IPO11: variants seen among roughly 807,000 people sequenced by gnomAD.
IPO11 encodes the protein importin-11.
Under a neutral mutation model 143.2 loss-of-function variants are expected in IPO11, and 66 were observed. The ratio of observed to expected loss-of-function variants is 0.46; its 90% CI spans 0.38 to 0.57. IPO11 has a LOEUF of 0.57. IPO11 is among the 20% of genes least tolerant of loss of function. The pLI is 0.00. For synonymous variants in IPO11, 385 were observed against 377.8 expected, an observed-to-expected ratio of 1.02 and a Z score of -0.22; for missense variants, 1,026 against 1,141.0, an observed-to-expected ratio of 0.90 and a Z score of 1.45.
chr5:62,430,194 TC>T (rs1413096035), intron 1 of IPO11, among the ~76,000 whole-genome samples: 3 of 152,238 alleles, frequency 2.0e-5, no homozygotes. Context: ...TGACTGTATG[TC>T]CAAAGGTAGA....
Position 62,476,575 on chromosome 5 carries a change from T to C in IPO11, c.758-108T>C, listed in dbSNP as rs1317577824. 4 of 1,192,866 alleles carry C rather than the reference T, an allele frequency of 3.4e-6. No homozygotes were observed. The African/African-American group carries it at 4.8e-5, about 14-fold the overall frequency. The allele number at this position is 1,192,866 out of a possible 1,614,324, so 73.9% of individuals were successfully genotyped here. A position where few individuals can be genotyped will look rare whatever the true frequency, so the allele number is the denominator to read the frequency against. ...TGCTTTTTAAATAATGAATTCATAATGCAAAATATGCAAAAATAAAACCAG... is the reference window on the plus strand; with the variant it reads ...TGCTTTTTAAATAATGAATTCATAACGCAAAATATGCAAAAATAAAACCAG... On this transcript the variant is annotated intron_variant, in intron 8 of 29. Coordinates refer to ENST00000325324, the MANE Select transcript of IPO11 (RefSeq NM_016338.5).
At chr5:62,505,609 A>T (rs555513434) in intron 18 of IPO11, among the ~76,000 whole-genome samples, 46 of 152,224 alleles carry the variant, frequency 3.0e-4, no homozygotes, top group Middle Eastern at 3.4e-3. Flanking sequence ...CTATATCTGA[A>T]AGAACAAATT....
At chr5:62,430,794 C>T (rs1420356720) in intron 1 of IPO11, among the ~76,000 whole-genome samples, 2 of 151,468 alleles carry the variant, frequency 1.3e-5, no homozygotes, top group Non-Finnish European at 2.9e-5. Flanking sequence ...TCCCCTGCCT[C>T]AGCCTCCCGA....
chr5:62,562,850 G>T (rs560637116), intron 27 of IPO11, among the ~76,000 whole-genome samples: 1 of 152,298 alleles, frequency 6.6e-6, no homozygotes, highest in South Asian at 2.1e-4. Context: ...CTTAGCAAAT[G>T]CCACATACTT....
In IPO11 at chr5:62,465,754, T is replaced by A. The variant is rs758384951; in HGVS notation, c.517-1377T>A. On this transcript the variant is annotated intron_variant, in intron 5 of 29. Coordinates refer to ENST00000325324, the MANE Select transcript of IPO11 (RefSeq NM_016338.5). ...AAGGGCCAAGGCATCCCTGACTGAT[T>A]TAGTTTGTAAAGATACAGTGAACCA... 2.0e-5 allele frequency among the ~76,000 whole-genome samples: 3 copies of A among 152,228 alleles called. No individual in the cohort carries two copies. The South Asian group carries it at 6.2e-4, about 32-fold the overall frequency.
chr5:62,467,346 G>A (rs1243547565), intron 6 of IPO11, 83 bp downstream of exon 6: 2 of 1,388,932 alleles, frequency 1.4e-6, no homozygotes, highest in African/African-American at 1.5e-5. Flanking sequence ...CGGGTTTTCT[G>A]TTCCCAGTTT....
intron 16 of IPO11, among the ~76,000 whole-genome samples, chr5:62,497,771 A>T (rs1486148173): frequency 6.6e-6 from 1 of 152,266 alleles, no homozygotes; most frequent in African/African-American, 2.4e-5. Context: ...CCTGGAAAGA[A>T]ATCCTTTTTC....
At chr5:62,516,422 T>G (rs1289212287) in intron 20 of IPO11, among the ~76,000 whole-genome samples, 7 of 152,150 alleles carry the variant, frequency 4.6e-5, no homozygotes, top group Admixed American at 4.6e-4. Context: ...GCCTCCCAAG[T>G]AGCTGGGATT....
rs759481373 is a variant in IPO11, at chr5:62,627,144, T to C, written c.2764-10T>C. 1 of 1,611,696 alleles carries C rather than the reference T, an allele frequency of 6.2e-7. No individual in the cohort carries two copies. The highest frequency in any genetic ancestry group is 1.1e-5 in the South Asian group (1 of 90,698). ...TTTTTGACAGTCTTGCTCCTCTCTGTATCCCACAGCTGGCCCTGAAGGACC... is the reference window on the plus strand; with the variant it reads ...TTTTTGACAGTCTTGCTCCTCTCTGCATCCCACAGCTGGCCCTGAAGGACC... On this transcript the variant is annotated splice_polypyrimidine_tract_variant and intron_variant, in intron 29 of 29. Transcript: ENST00000325324.
At chr5:62,588,997 T>TC (rs59042373) in intron 27 of IPO11, among the ~76,000 whole-genome samples, 59,731 of 152,000 alleles carry the variant, frequency 0.39, 13,123 homozygotes, top group South Asian at 0.52. Flanking sequence ...AACTTCTGCT[T>TC]CCCACTGTGT....
At chr5:62,481,777 T>G (rs1017751810) in intron 9 of IPO11, among the ~76,000 whole-genome samples, 2 of 152,220 alleles carry the variant, frequency 1.3e-5, no homozygotes, top group Non-Finnish European at 2.9e-5. Flanking sequence ...CTGCGAGGCT[T>G]TGGTATCAGG....
At chr5:62,573,638 A>G (rs1744219507) in intron 27 of IPO11, among the ~76,000 whole-genome samples, 1 of 152,338 alleles carries the variant, frequency 6.6e-6, no homozygotes, top group East Asian at 1.9e-4. Flanking sequence ...AAGTTCTGTC[A>G]AATCCAAGCT....
chr5:62,583,180 A>G (rs563273783), intron 27 of IPO11, among the ~76,000 whole-genome samples: 1 of 152,200 alleles, frequency 6.6e-6, no homozygotes, highest in South Asian at 2.1e-4. Context: ...TCTTTGTTGT[A>G]TCCTCCCAAC....
intron 3 of IPO11, among the ~76,000 whole-genome samples, chr5:62,444,810 C>T (rs905174095): frequency 7.3e-5 from 11 of 151,426 alleles, no homozygotes; most frequent in African/African-American, 1.9e-4. Context: ...TAGAGGTTGC[C>T]GTGAGCCAAG....
At chr5:62,537,666 G>T (rs899360116) in intron 24 of IPO11, among the ~76,000 whole-genome samples, 1 of 152,146 alleles carries the variant, frequency 6.6e-6, no homozygotes, top group African/African-American at 2.4e-5. Flanking sequence ...TTAGTCTGCT[G>T]TTGGGACAAA....
chr5:62,580,608 C>A, intron 27 of IPO11: 1 of 1,551,468 alleles, frequency 6.4e-7, no homozygotes, highest in Non-Finnish European at 8.7e-7. Flanking sequence ...ATCCCCCATC[C>A]ATGCGTGGCA....
intron 29 of IPO11, 83 bp downstream of exon 29, chr5:62,601,931 G>T (rs181613872): frequency 3.3e-5 from 26 of 794,866 alleles, no homozygotes; most frequent in Non-Finnish European, 4.9e-5. Flanking sequence ...TGGTCTATTT[G>T]TCCATCCAGC....
chr5:62,438,439 T>C (rs1216881680), intron 2 of IPO11, among the ~76,000 whole-genome samples: 1 of 152,188 alleles, frequency 6.6e-6, no homozygotes, highest in Non-Finnish European at 1.5e-5. Flanking sequence ...ATTTTAGGCA[T>C]AGTATAAATC....
intron 29 of IPO11, among the ~76,000 whole-genome samples, chr5:62,610,745 G>A (rs901383367): frequency 2.0e-5 from 3 of 152,078 alleles, no homozygotes; most frequent in African/African-American, 7.2e-5. Flanking sequence ...AATAGAACTA[G>A]CATCTTCAAA....
Sources: gnomAD v4.1 joint callset for allele counts (sites outside exome capture counted in the v4.1 genomes callset) on GRCh38, gnomAD v4.1.1 for gene constraint, MANE v1.5 for transcripts, NCBI Gene and HGNC (gene_info 2026-07-23, HGNC 2026-07-21) for gene names.